PDCD5: variants seen among roughly 807,000 people sequenced by gnomAD.
The protein encoded by PDCD5 is programmed cell death 5.
Under a neutral mutation model 21.9 loss-of-function variants are expected in PDCD5, and 23 were observed. That is an observed-to-expected ratio of 1.05 (90% CI 0.76 to 1.49). PDCD5 has a LOEUF of 1.49. PDCD5 is among the 40% of genes most tolerant of loss of function. PDCD5 has a pLI of 0.00. For synonymous variants in PDCD5, 45 were observed against 49.4 expected, an observed-to-expected ratio of 0.91 and a Z score of 0.37; for missense variants, 152 against 147.7, an observed-to-expected ratio of 1.03 and a Z score of -0.15.
Position 32,581,224 on chromosome 19 carries a change from G to A in PDCD5, c.-38G>A, listed in dbSNP as rs1162665729. ...GGCCGCGCTCGCGCCGAGGGGCTGC[G>A]AGAGTGACCGCGGCTGCTCCAGCGC... On this transcript the variant is annotated 5_prime_UTR_variant, in exon 1 of 6. Transcript: ENST00000590247. 1.4e-6 allele frequency: 2 copies of A among 1,449,046 alleles called. No individual in the cohort carries two copies. Among genetic ancestry groups the A allele is most frequent in the South Asian group, 1.3e-5 (1 of 75,416 alleles). 89.8% of individuals were successfully genotyped at this position (1,449,046 alleles called of 1,614,324 possible). A position where few individuals can be genotyped will look rare whatever the true frequency, so the allele number is the denominator to read the frequency against.
At chr19:32,585,615 C>G (rs954155661) in intron 3 of PDCD5, among the ~76,000 whole-genome samples, 1 of 152,140 alleles carries the variant, frequency 6.6e-6, no homozygotes, top group Non-Finnish European at 1.5e-5. Flanking sequence ...GGCTGGGCCA[C>G]TACCCCCATG....
chr19:32,584,278 TCCCTCTCAGTTGAGC>T (rs1971456169), intron 2 of PDCD5, among the ~76,000 whole-genome samples: 1 of 152,214 alleles, frequency 6.6e-6, no homozygotes, highest in Non-Finnish European at 1.5e-5. Flanking sequence ...GCCCCAGCTC[TCCCTCTCAGTTGAGC>T]CAAAGCATCT....
intron 1 of PDCD5, chr19:32,581,696 G>A (rs1036526171): frequency 9.5e-6 from 2 of 209,836 alleles, no homozygotes; most frequent in Non-Finnish European, 1.9e-5. Context: ...AAGTTTAGCC[G>A]ACAGGTATTG....
chr19:32,585,924 T>C lies in PDCD5; in HGVS notation c.258+17T>C. ...AGTGAGAAGGTAAGCTTAGACAGCC[T>C]TGAGGAACTTTACTGTTACCTGCTT... On this transcript the variant is annotated intron_variant, in intron 4 of 5. Coordinates refer to ENST00000590247, the MANE Select transcript of PDCD5 (RefSeq NM_004708.4). 1.2e-6 allele frequency: 2 copies of C among 1,613,734 alleles called. No homozygotes were observed. The highest frequency in any genetic ancestry group is 1.7e-6 in the Non-Finnish European group (2 of 1,179,604).
chr19:32,587,392 T>TTTTAAAAAAATAAAC lies in PDCD5; in HGVS notation c.*95_*109dup, dbSNP rs1386114270. On this transcript the variant is annotated 3_prime_UTR_variant, in exon 6 of 6. Transcript: ENST00000590247. ...TTACTTTGTTTATTGTCTATATGCC[T>TTTTAAAAAAATAAAC]TTTAAAAAAATAAACTTGTTATGCA... 4 of 798,468 alleles carry TTTTAAAAAAATAAAC rather than the reference T, an allele frequency of 5.0e-6. 1 individual carries two copies. The African/African-American group carries it at 7.2e-5, about 14-fold the overall frequency. The allele number at this position is 798,468 out of a possible 1,614,324, so 49.5% of individuals were successfully genotyped here.
At chr19:32,585,751 T>G in intron 3 of PDCD5, 65 bp from the exon 4 acceptor site, 1 of 931,640 alleles carries the variant, frequency 1.1e-6, no homozygotes, top group South Asian at 1.4e-5. Flanking sequence ...ATGCATAGTT[T>G]TAAGGTATAA....
Position 32,585,345 on chromosome 19 carries a change from A to T in PDCD5, c.166+334A>T, listed in dbSNP as rs377080274. On this transcript the variant is annotated intron_variant, in intron 3 of 5. Coordinates refer to ENST00000590247, the MANE Select transcript of PDCD5 (RefSeq NM_004708.4). ...GGGATGGGGGACTTAGGGGCTTTTT[A>T]TATGTATTGTCAGTTTTAGTGTATG... Among the ~76,000 whole-genome samples, 1,494 of 152,226 alleles carry T rather than the reference A, an allele frequency of 9.8e-3. 17 individuals are homozygous for T. The highest frequency in any genetic ancestry group is 0.033 in the African/African-American group (1,384 of 41,528).
chr19:32,586,248 T>C (rs1971475215), intron 4 of PDCD5: 3 of 1,431,570 alleles, frequency 2.1e-6, no homozygotes, highest in African/African-American at 2.9e-5. Flanking sequence ...GTTTTGCAGA[T>C]GAGAAGGTGC....
chr19:32,581,492 T>C, intron 1 of PDCD5, 165 bp downstream of exon 1: 1 of 391,234 alleles, frequency 2.6e-6, no homozygotes, highest in Non-Finnish European at 4.4e-6. Context: ...CCTCGTCGCT[T>C]TCCTCGTCGC....
chr19:32,583,446 A>AT, intron 2 of PDCD5, among the ~76,000 whole-genome samples: 1 of 150,894 alleles, frequency 6.6e-6, no homozygotes, highest in East Asian at 2.0e-4. Flanking sequence ...TGCCTGGCTA[A>AT]TTTTTTTAAA....
At chr19:32,582,897 T>C (rs1971442503) in intron 2 of PDCD5, among the ~76,000 whole-genome samples, 1 of 152,166 alleles carries the variant, frequency 6.6e-6, no homozygotes, top group Non-Finnish European at 1.5e-5. Context: ...GGCACTGTGC[T>C]GGGTCTACAG....
intron 1 of PDCD5, chr19:32,581,685 C>T (rs772306129): frequency 1.4e-5 from 3 of 221,162 alleles, no homozygotes; most frequent in African/African-American, 4.6e-5. Context: ...TGTTATGACC[C>T]AAGTTTAGCC....
intron 3 of PDCD5, among the ~76,000 whole-genome samples, 191 bp from the exon 4 acceptor site, chr19:32,585,625 G>A (rs1214659331): frequency 6.6e-6 from 1 of 152,178 alleles, no homozygotes; most frequent in Non-Finnish European, 1.5e-5. Context: ...CTACCCCCAT[G>A]TGCCCATGTG....
At position 32,581,398 on chromosome 19, in the gene PDCD5, C is replaced by T. The variant is rs1352929517; in HGVS notation, c.66+71C>T. The T allele has an allele frequency of 1.2e-5, 13 of 1,115,854 alleles. No homozygotes were observed. The African/African-American group carries it at 1.6e-4, about 14-fold the overall frequency. The allele number at this position is 1,115,854 out of a possible 1,614,324, so 69.1% of individuals were successfully genotyped here. A position where few individuals can be genotyped will look rare whatever the true frequency, so the allele number is the denominator to read the frequency against. ...CCCTCGCCCGGAGTGTAGGGCGCGCCTCCGGGGCGGAGGCTCTGGGCGCCT... is the reference window on the plus strand; with the variant it reads ...CCCTCGCCCGGAGTGTAGGGCGCGCTTCCGGGGCGGAGGCTCTGGGCGCCT... On this transcript the variant is annotated intron_variant, in intron 1 of 5. Coordinates refer to ENST00000590247, the MANE Select transcript of PDCD5 (RefSeq NM_004708.4).
At chr19:32,582,318 C>T in intron 2 of PDCD5, 86 bp downstream of exon 2, 1 of 1,229,830 alleles carries the variant, frequency 8.1e-7, no homozygotes, top group South Asian at 1.3e-5. Context: ...AGGTGTGTGA[C>T]TCAGATTTTT....
intron 3 of PDCD5, 100 bp from the exon 4 acceptor site, chr19:32,585,716 C>T (rs1169616024): frequency 4.1e-6 from 3 of 726,622 alleles, no homozygotes; most frequent in South Asian, 1.7e-5. Context: ...GAGGGACAAG[C>T]TTGTGAAGTG....
intron 4 of PDCD5, chr19:32,586,281 C>CTG (rs1971475675): frequency 7.1e-7 from 1 of 1,402,096 alleles, no homozygotes; most frequent in South Asian, 1.5e-5. Context: ...CTTATGTTCT[C>CTG]TGTGTTGCTG....
At chr19:32,582,110 T>A (rs1971433099) in intron 1 of PDCD5, 85 bp from the exon 2 acceptor site, 1 of 900,204 alleles carries the variant, frequency 1.1e-6, no homozygotes, top group Non-Finnish European at 1.8e-6. Context: ...AAGAGACTGT[T>A]ATGTATAGGA....
At chr19:32,587,016 C>A in intron 5 of PDCD5, 87 bp downstream of exon 5, 1 of 1,183,370 alleles carries the variant, frequency 8.5e-7, no homozygotes, top group Non-Finnish European at 1.2e-6. Context: ...ACATATTTTT[C>A]AGCCCAGAGA....
Sources: gnomAD v4.1 joint callset for allele counts (sites outside exome capture counted in the v4.1 genomes callset) on GRCh38, gnomAD v4.1.1 for gene constraint, MANE v1.5 for transcripts, NCBI Gene and HGNC (gene_info 2026-07-23, HGNC 2026-07-21) for gene names.